The following GPM6A variants were observed in gnomAD, a reference collection of about 807,000 sequenced individuals.
GPM6A encodes the protein glycoprotein M6A.
Under a neutral mutation model 32.1 loss-of-function variants are expected in GPM6A, and 7 were observed. That is an observed-to-expected ratio of 0.22 (90% CI 0.12 to 0.41). The LOEUF (loss-of-function observed/expected upper bound fraction) is 0.41. Among genes scored for constraint, GPM6A ranks in the 10% least tolerant of loss-of-function variants. The pLI is 1.00. For synonymous variants in GPM6A, 130 were observed against 123.4 expected (o/e 1.05, Z -0.35); for missense variants, 235 against 347.2 (o/e 0.68, Z 2.57).
At chr4:175,981,003 A>G (rs1579683710) in intron 1 of GPM6A, among the ~76,000 whole-genome samples, 1 of 152,342 alleles carries the variant, frequency 6.6e-6, no homozygotes, top group South Asian at 2.1e-4. Context: ...AAGATTTTGT[A>G]CATTGTATGA....
At position 175,634,277 on chromosome 4, in the gene GPM6A, A is replaced by G. The variant is rs1740451861; in HGVS notation, c.*628T>C. Reference sequence around the variant, plus strand: ...TTTTAAGAACATCAAGGAAAAGTACAATGTTAACAAAGATAAGAAGCACTT... The same window carrying G: ...TTTTAAGAACATCAAGGAAAAGTACGATGTTAACAAAGATAAGAAGCACTT... On this transcript the variant is annotated 3_prime_UTR_variant, in exon 7 of 7. Transcript: ENST00000393658. 3 of 152,614 alleles carry G rather than the reference A, an allele frequency of 2.0e-5. No homozygotes were observed. The highest frequency in any genetic ancestry group is 7.2e-5 in the African/African-American group (3 of 41,444). The allele number at this position is 152,614 out of a possible 1,614,324, so 9.5% of individuals were successfully genotyped here. A position where few individuals can be genotyped will look rare whatever the true frequency, so the allele number is the denominator to read the frequency against.
chr4:175,739,096 G>A (rs938770455), intron 1 of GPM6A, among the ~76,000 whole-genome samples: 17 of 152,170 alleles, frequency 1.1e-4, no homozygotes. Context: ...AACTACAGCT[G>A]TGCCTGACAA....
chr4:175,642,949 A>G lies in GPM6A; in HGVS notation c.542-2120T>C, dbSNP rs114417256. ...CCACTCCCAAGCAAACACTTCTCAT[A>G]GCCTTTCCTATCTTTCTTGATAGCA... On this transcript the variant is annotated intron_variant, in intron 4 of 6. Coordinates refer to ENST00000393658, the MANE Select transcript of GPM6A (RefSeq NM_201591.3). Among the ~76,000 whole-genome samples the G allele has an allele frequency of 7.8e-3, 1,187 of 152,266 alleles. 19 individuals are homozygous for G. The highest frequency in any genetic ancestry group is 0.026 in the African/African-American group (1,098 of 41,550).
chr4:175,784,988 C>T (rs1217426533), intron 1 of GPM6A, among the ~76,000 whole-genome samples: 1 of 152,174 alleles, frequency 6.6e-6, no homozygotes, highest in African/African-American at 2.4e-5. Context: ...TCTGTATGTG[C>T]ATGCTGCCTA....
At chr4:175,640,634 A>C (rs1741087133) in intron 5 of GPM6A, 119 bp downstream of exon 5, 1 of 714,624 alleles carries the variant, frequency 1.4e-6, no homozygotes, top group African/African-American at 1.8e-5. Flanking sequence ...CTTCAGGTAA[A>C]ATTGCCTCTG....
chr4:175,848,253 TG>T (rs1453063392), intron 1 of GPM6A, among the ~76,000 whole-genome samples: 3 of 152,230 alleles, frequency 2.0e-5, no homozygotes, highest in Non-Finnish European at 4.4e-5. Flanking sequence ...GTAGCTGTCT[TG>T]TCTTCCTAGT....
chr4:175,782,326 A>G (rs1008876843), intron 1 of GPM6A, among the ~76,000 whole-genome samples: 1 of 152,038 alleles, frequency 6.6e-6, no homozygotes, highest in Non-Finnish European at 1.5e-5. Context: ...ATATCACGTC[A>G]TCTACTTTCA....
chr4:175,756,176 GAA>G (rs1732517796), intron 1 of GPM6A, among the ~76,000 whole-genome samples: 1 of 152,032 alleles, frequency 6.6e-6, no homozygotes, highest in African/African-American at 2.4e-5. Context: ...CTTAAGGAAA[GAA>G]GAGAGAGTAG....
chr4:175,674,252 G>A (rs1411535481), intron 2 of GPM6A, among the ~76,000 whole-genome samples: 3 of 152,120 alleles, frequency 2.0e-5, no homozygotes, highest in South Asian at 2.1e-4. Context: ...ATCTCGGCTC[G>A]CTGCAACTTC....
chr4:175,927,175 A>G (rs1228147907), intron 1 of GPM6A, among the ~76,000 whole-genome samples: 1 of 152,256 alleles, frequency 6.6e-6, no homozygotes, highest in Non-Finnish European at 1.5e-5. Flanking sequence ...CAAGAAATGT[A>G]TAGCTTGTCT....
chr4:175,651,033 A>G (rs1368961547), intron 4 of GPM6A, among the ~76,000 whole-genome samples: 1 of 152,186 alleles, frequency 6.6e-6, no homozygotes, highest in East Asian at 1.9e-4. Context: ...CTAAGTTTTA[A>G]TATGAAAGGC....
chr4:175,948,701 G>T (rs1262350630), intron 1 of GPM6A, among the ~76,000 whole-genome samples: 1 of 152,122 alleles, frequency 6.6e-6, no homozygotes, highest in Non-Finnish European at 1.5e-5. Flanking sequence ...ATGCTAACTG[G>T]AAGTGAGAAG....
At chr4:175,701,819 T>C in intron 1 of GPM6A, 52 bp from the exon 2 acceptor site, 1 of 1,282,294 alleles carries the variant, frequency 7.8e-7, no homozygotes. Context: ...CCTAATTTAA[T>C]TTTTTTTTTC....
At chr4:175,873,866 C>T (rs773065067) in intron 1 of GPM6A, among the ~76,000 whole-genome samples, 8 of 152,116 alleles carry the variant, frequency 5.3e-5, no homozygotes, top group Non-Finnish European at 1.2e-4. Context: ...TAAAGTTATG[C>T]TTAATTATCT....
chr4:175,724,136 G>T (rs1746282120), intron 1 of GPM6A, among the ~76,000 whole-genome samples: 1 of 152,172 alleles, frequency 6.6e-6, no homozygotes, highest in South Asian at 2.1e-4. Context: ...AAAAAAGAAG[G>T]AAATTCTGTC....
intron 1 of GPM6A, among the ~76,000 whole-genome samples, chr4:175,795,107 C>A (rs764523379): frequency 1.3e-5 from 2 of 152,024 alleles, no homozygotes; most frequent in Non-Finnish European, 2.9e-5. Flanking sequence ...ATTTGATAAC[C>A]CATTAAATAT....
intron 1 of GPM6A, among the ~76,000 whole-genome samples, chr4:175,746,831 T>C (rs1732123188): frequency 6.6e-6 from 1 of 152,186 alleles, no homozygotes; most frequent in Non-Finnish European, 1.5e-5. Context: ...ATTATCAATA[T>C]AATAACTGAA....
chr4:175,907,591 A>G (rs913479932), intron 1 of GPM6A, among the ~76,000 whole-genome samples: 2 of 152,134 alleles, frequency 1.3e-5, no homozygotes, highest in African/African-American at 2.4e-5. Context: ...AGAAGCAGGA[A>G]AGTCACTCTC....
At chr4:175,895,711 A>C (rs1737774835) in intron 1 of GPM6A, among the ~76,000 whole-genome samples, 1 of 152,222 alleles carries the variant, frequency 6.6e-6, no homozygotes, top group Admixed American at 6.5e-5. Context: ...TTAATAACAT[A>C]GAAATTGTTG....
Sources: gnomAD v4.1 joint callset for allele counts (sites outside exome capture counted in the v4.1 genomes callset) on GRCh38, gnomAD v4.1.1 for gene constraint, MANE v1.5 for transcripts, NCBI Gene and HGNC (gene_info 2026-07-23, HGNC 2026-07-21) for gene names.